Variants in FAM178B observed in about 807,000 individuals in gnomAD.
The protein encoded by FAM178B is protein FAM178B.
In FAM178B, 82 loss-of-function variants were observed where a neutral mutation model predicts 91.7. That is an observed-to-expected ratio of 0.89 (90% confidence interval 0.75 to 1.07). The LOEUF (loss-of-function observed/expected upper bound fraction) is 1.07. FAM178B is among the 50% of genes least tolerant of loss of function. The pLI, the probability that FAM178B is intolerant of heterozygous loss-of-function variation, is 0.00. For missense variants in FAM178B, 769 were observed against 846.7 expected (o/e 0.91, Z 1.14); for synonymous variants, 368 against 359.4 (o/e 1.02, Z -0.27).
At chr2:96,878,372 C>A (rs1301399003) in intron 15 of FAM178B, 44 bp downstream of exon 15, 2 of 1,578,192 alleles carry the variant, frequency 1.3e-6, no homozygotes, top group Non-Finnish European at 1.7e-6. Context: ...GGAGAAGACA[C>A]AGCTGGGCAC....
chr2:96,938,087 C>A (rs1330232058), intron 8 of FAM178B, among the ~76,000 whole-genome samples: 3 of 152,098 alleles, frequency 2.0e-5, no homozygotes, highest in Non-Finnish European at 4.4e-5. Flanking sequence ...TTATTTTGCA[C>A]CTCATTTTAA....
At chr2:96,934,162 T>TG (rs1257621950) in intron 8 of FAM178B, among the ~76,000 whole-genome samples, 3 of 151,944 alleles carry the variant, frequency 2.0e-5, no homozygotes, top group African/African-American at 7.3e-5. Context: ...TGGTGTTGGG[T>TG]GGGGGACACA....
chr2:96,940,205 T>C (rs538029043), intron 8 of FAM178B, among the ~76,000 whole-genome samples: 6 of 151,970 alleles, frequency 3.9e-5, no homozygotes, highest in Admixed American at 3.9e-4. Context: ...ACCAGCCCTG[T>C]GGAATCAGGG....
At chr2:96,967,669 C>T in intron 4 of FAM178B, 42 bp from the exon 5 acceptor site, 2 of 1,364,376 alleles carry the variant, frequency 1.5e-6, no homozygotes, top group Non-Finnish European at 2.0e-6. Context: ...CAGTGTTGTT[C>T]CCCATCGTGC....
chr2:96,921,881 T>A (rs562663319), intron 10 of FAM178B, among the ~76,000 whole-genome samples: 67 of 152,110 alleles, frequency 4.4e-4, no homozygotes, highest in Admixed American at 2.3e-3. Flanking sequence ...AGCAACTCCA[T>A]CTTGAATAGG....
At position 96,923,531 on chromosome 2, in the gene FAM178B, G is replaced by A; in HGVS notation, c.1246C>T (p.Gln416Ter). The A allele has an allele frequency of 1.3e-6, 2 of 1,551,670 alleles. No homozygotes were observed. The highest frequency in any genetic ancestry group is 1.7e-6 in the Non-Finnish European group (2 of 1,146,970). ...LNENEEQDAP[Q>*]EIALDISLGH... ...AGGCTGATGTCCAAGGCAATCTCTT[G>A]GGGAGCGTCCTGCTCCTCATTCTCA... The change falls in exon 10 of 17, where the codon CAA becomes TAA. Residue 416 changes from glutamine (Q) to a stop codon, truncating the protein, a stop_gained. Coordinates refer to ENST00000490605, the MANE Select transcript of FAM178B (RefSeq NM_001122646.3). LOFTEE classifies it high-confidence loss of function.
At chr2:96,965,616 A>T (rs1485586660) in intron 5 of FAM178B, among the ~76,000 whole-genome samples, 8 of 152,008 alleles carry the variant, frequency 5.3e-5, no homozygotes, top group Non-Finnish European at 1.0e-4. Context: ...GCATGTGCCA[A>T]CACATCTGTG....
intron 1 of FAM178B, among the ~76,000 whole-genome samples, chr2:96,981,660 G>A (rs1455228041): frequency 6.7e-6 from 1 of 148,674 alleles, no homozygotes; most frequent in Non-Finnish European, 1.5e-5. Flanking sequence ...AGAATGGCGT[G>A]AACCTGGGAG....
intron 13 of FAM178B, chr2:96,898,255 G>C: frequency 2.7e-6 from 1 of 368,046 alleles, no homozygotes; most frequent in Non-Finnish European, 3.8e-6. Context: ...GGACCCAGCA[G>C]GGCACTTCAC....
chr2:96,876,376 C>G (rs2080241921), intron 16 of FAM178B, 68 bp from the exon 17 acceptor site: 1 of 1,551,572 alleles, frequency 6.4e-7, no homozygotes, highest in Admixed American at 1.9e-5. Context: ...CTGCAGCTCC[C>G]CGGGCTGGCG....
At chr2:96,895,573 C>T (rs1183091699) in intron 13 of FAM178B, among the ~76,000 whole-genome samples, 1 of 152,252 alleles carries the variant, frequency 6.6e-6, no homozygotes, top group Admixed American at 6.5e-5. Context: ...AAGGACTGCC[C>T]AGCTGCCCTG....
chr2:96,946,756 C>T (rs2081835666), intron 8 of FAM178B, among the ~76,000 whole-genome samples: 1 of 152,260 alleles, frequency 6.6e-6, no homozygotes, highest in Non-Finnish European at 1.5e-5. Context: ...GCAGGCATGC[C>T]GCAGAGGCGG....
intron 1 of FAM178B, among the ~76,000 whole-genome samples, chr2:96,980,729 C>T (rs1451449642): frequency 2.0e-5 from 3 of 152,098 alleles, no homozygotes; most frequent in Non-Finnish European, 4.4e-5. Flanking sequence ...TTGGGTTTCC[C>T]TGGTTCTAAT....
chr2:96,983,389 C>G lies in FAM178B; in HGVS notation c.73+2852G>C, dbSNP rs554323267. ...GGTTATACTACTCTGCCTCTATCAC[C>G]ACCGATTATTTTGCCTGTTCTTGAA... On this transcript the variant is annotated intron_variant, in intron 1 of 16. Coordinates refer to ENST00000490605, the MANE Select transcript of FAM178B (RefSeq NM_001122646.3). Among the ~76,000 whole-genome samples the G allele has an allele frequency of 5.3e-5, 8 of 152,242 alleles. No individual in the cohort carries two copies. The South Asian group carries it at 1.7e-3, about 32-fold the overall frequency.
rs535229611 is a variant in FAM178B at position 96,952,188 on chromosome 2, C to T, written c.888-704G>A. On this transcript the variant is annotated intron_variant, in intron 6 of 16. Coordinates refer to ENST00000490605, the MANE Select transcript of FAM178B (RefSeq NM_001122646.3). Reference sequence around the variant, plus strand: ...CAAGGGGCGGGCACGATTACCCCCACGAGGCCAGCGTCTCGCGATCTGGTT... The same window carrying T: ...CAAGGGGCGGGCACGATTACCCCCATGAGGCCAGCGTCTCGCGATCTGGTT... Among the ~76,000 whole-genome samples, 6 of 152,276 alleles carry T rather than the reference C, an allele frequency of 3.9e-5. No individual in the cohort carries two copies. In the South Asian group the frequency reaches 6.2e-4, roughly 16 times the overall value.
intron 7 of FAM178B, chr2:96,950,245 A>G: frequency 1.1e-6 from 1 of 902,688 alleles, no homozygotes; most frequent in Non-Finnish European, 1.3e-6. Flanking sequence ...TGCAAGGAGC[A>G]GGGGCTGCAC....
chr2:96,980,340 T>G (rs1417143678), intron 1 of FAM178B, among the ~76,000 whole-genome samples: 2 of 151,980 alleles, frequency 1.3e-5, no homozygotes, highest in Non-Finnish European at 2.9e-5. Flanking sequence ...CCTCCCAAAG[T>G]GCTGGGATTA....
intron 13 of FAM178B, among the ~76,000 whole-genome samples, chr2:96,900,931 C>G (rs925975949): frequency 1.6e-4 from 24 of 152,160 alleles, no homozygotes; most frequent in Non-Finnish European, 5.9e-5. Context: ...TGCACAGCCT[C>G]TAGCCAGAGC....
intron 12 of FAM178B, among the ~76,000 whole-genome samples, chr2:96,906,987 C>T (rs1005189620): frequency 2.0e-5 from 3 of 152,174 alleles, no homozygotes; most frequent in African/African-American, 7.2e-5. Flanking sequence ...GTGAGGGGAG[C>T]AGGCAGGCCG....
Sources: allele counts gnomAD v4.1 joint callset (sites outside exome capture counted in the v4.1 genomes callset), GRCh38; gene constraint gnomAD v4.1.1; transcripts MANE v1.5; gene names NCBI Gene and HGNC (gene_info 2026-07-23, HGNC 2026-07-21).